The following THBS4 variants were observed in gnomAD, a reference collection of about 807,000 sequenced individuals.
THBS4 encodes thrombospondin-4.
THBS4 carries 90 observed loss-of-function variants against 115.7 expected under a neutral mutation model. The observed-to-expected ratio is 0.78, with a 90% CI of 0.66 to 0.93. THBS4 has a LOEUF of 0.93. THBS4 is among the 40% of genes least tolerant of loss of function. THBS4 has a pLI of 0.00. For missense variants in THBS4, 1,087 were observed against 1,232.7 expected, an observed-to-expected ratio of 0.88 and a Z score of 1.77; for synonymous variants, 460 against 479.3, an observed-to-expected ratio of 0.96 and a Z score of 0.53.
At chr5:80,067,856 G>A in intron 9 of THBS4, 117 bp from the exon 10 acceptor site, 1 of 1,195,420 alleles carries the variant, frequency 8.4e-7, no homozygotes, top group Admixed American at 2.5e-5. Context: ...TGGATCTGAT[G>A]CCTGATTCCT....
chr5:80,039,484 G>T (rs1832824744), intron 1 of THBS4, among the ~76,000 whole-genome samples: 1 of 152,186 alleles, frequency 6.6e-6, no homozygotes. Context: ...TCCACATTGG[G>T]ATTTTTTTAA....
intron 8 of THBS4, among the ~76,000 whole-genome samples, chr5:80,062,105 C>A (rs995587485): frequency 1.3e-5 from 2 of 152,080 alleles, no homozygotes; most frequent in African/African-American, 4.8e-5. Flanking sequence ...TAATTTCAGT[C>A]TTATTTTGTT....
chr5:80,077,331 C>T (rs535885173), intron 16 of THBS4, among the ~76,000 whole-genome samples: 1 of 152,194 alleles, frequency 6.6e-6, no homozygotes, highest in South Asian at 2.1e-4. Flanking sequence ...GTGGCTCAGT[C>T]CCCAAAGGGC....
chr5:79,996,170 G>T (rs1026767660), intron 1 of THBS4, among the ~76,000 whole-genome samples: 2 of 151,924 alleles, frequency 1.3e-5, no homozygotes, highest in Non-Finnish European at 2.9e-5. Flanking sequence ...ATAATTTAGA[G>T]ACTATATCAG....
At chr5:80,080,672 C>T (rs1409667722) in intron 20 of THBS4, among the ~76,000 whole-genome samples, 6 of 148,476 alleles carry the variant, frequency 4.0e-5, no homozygotes, top group African/African-American at 7.5e-5. Flanking sequence ...CTGCAACCTC[C>T]GCCTTCCTGG....
At chr5:80,015,022 G>A (rs777639113) in intron 2 of THBS4, among the ~76,000 whole-genome samples, 5 of 152,234 alleles carry the variant, frequency 3.3e-5, no homozygotes, top group Admixed American at 6.5e-5. Flanking sequence ...CAGTTGAAAT[G>A]TGGTGACTCT....
At chr5:80,058,957 A>G (rs576369821) in intron 5 of THBS4, among the ~76,000 whole-genome samples, 167 bp downstream of exon 5, 14 of 151,962 alleles carry the variant, frequency 9.2e-5, no homozygotes, top group Non-Finnish European at 1.8e-4. Context: ...TTCTCTGGAA[A>G]TGGGGTCCAA....
chr5:80,019,883 TG>T, intron 2 of THBS4: 1 of 162,046 alleles, frequency 6.2e-6, no homozygotes, highest in Admixed American at 6.1e-5. Flanking sequence ...CTGTGCCTGT[TG>T]GACAACAGAC....
chr5:80,010,214 G>T (rs1281684136), intron 2 of THBS4, among the ~76,000 whole-genome samples: 1 of 152,140 alleles, frequency 6.6e-6, no homozygotes, highest in Non-Finnish European at 1.5e-5. Flanking sequence ...AATCCTTACT[G>T]CAGTCTACAA....
chr5:80,082,503 CAAGAA>C lies in THBS4; in HGVS notation c.2785_2789del (p.Glu929HisfsTer12), dbSNP rs1227815802. 1.2e-6 allele frequency: 2 copies of C among 1,614,204 alleles called. No homozygotes were observed. The highest frequency in any genetic ancestry group is 4.5e-5 in the East Asian group (2 of 44,878). ...CCGACTTGGCGTTTTCTGCTTCTCT[CAAGAA>C]AACATCATCTGGTCCAACCTCAAGT... On this transcript the variant is annotated frameshift_variant, in exon 21 of 22. Transcript: ENST00000350881. LOFTEE classifies it high-confidence loss of function.
intron 1 of THBS4, among the ~76,000 whole-genome samples, chr5:80,036,980 G>A (rs758984212): frequency 6.6e-6 from 1 of 152,126 alleles, no homozygotes; most frequent in Non-Finnish European, 1.5e-5. Context: ...GTGGTTTCAG[G>A]GGTTAGAGTA....
chr5:80,009,934 A>G (rs138446517), intron 2 of THBS4, among the ~76,000 whole-genome samples: 34 of 152,188 alleles, frequency 2.2e-4, no homozygotes, highest in Middle Eastern at 3.4e-3. Flanking sequence ...GGAGTTCAAG[A>G]CCAGCCCAGG....
In THBS4 at chr5:80,037,903, T is replaced by G. The variant is rs1200226797; in HGVS notation, c.89-2174T>G. 2.0e-5 allele frequency among the ~76,000 whole-genome samples: 3 copies of G among 152,192 alleles called. No individual in the cohort carries two copies. In the East Asian group the frequency reaches 5.8e-4, roughly 29 times the overall value. On this transcript the variant is annotated intron_variant, in intron 1 of 21. Coordinates refer to ENST00000350881, the MANE Select transcript of THBS4 (RefSeq NM_003248.6). Reference sequence around the variant, plus strand: ...TGCAGTAGGCAACAGTGTTTATGGTTTAGGGATATAGGCACTAAGAGGAGC... The same window carrying G: ...TGCAGTAGGCAACAGTGTTTATGGTGTAGGGATATAGGCACTAAGAGGAGC...
intron 1 of THBS4, among the ~76,000 whole-genome samples, chr5:80,038,407 C>T (rs1832785188): frequency 6.6e-6 from 1 of 152,060 alleles, no homozygotes; most frequent in African/African-American, 2.4e-5. Flanking sequence ...TAGTATTCTG[C>T]TTTTTGGAAG....
chr5:80,059,627 G>C, intron 6 of THBS4, 76 bp from the exon 7 acceptor site: 1 of 1,600,434 alleles, frequency 6.2e-7, no homozygotes. Flanking sequence ...AAGTTCAATA[G>C]GAAACCAAAT....
At chr5:80,012,869 C>A (rs1832155074) in intron 2 of THBS4, among the ~76,000 whole-genome samples, 2 of 152,182 alleles carry the variant, frequency 1.3e-5, no homozygotes. Flanking sequence ...GTTTGAAAAT[C>A]TCTACCCCTA....
At chr5:80,074,149 T>C (rs995025505) in intron 15 of THBS4, 5 of 152,252 alleles carry the variant, frequency 3.3e-5, no homozygotes, top group Non-Finnish European at 7.3e-5. Flanking sequence ...TTTTATATTC[T>C]TTCAGCTCAG....
Position 80,035,882 on chromosome 5 carries a change from TG to T in THBS4, c.88+261del. ...AATTGTTTCAGACTATGCAAAGATG[TG>T]GGGTGGGGTTGCCTTCAAAACTTGC... is the stretch of plus-strand genomic sequence containing the variant. On this transcript the variant is annotated intron_variant, in intron 1 of 21. Transcript: ENST00000350881. The surrounding 1 kb of genome is among the most constrained non-coding windows in gnomAD (Gnocchi z 4.6). 1.4e-6 allele frequency: 1 copy of T among 708,374 alleles called. No individual in the cohort carries two copies. Among genetic ancestry groups the T allele is most frequent in the Non-Finnish European group, 1.9e-6 (1 of 523,658 alleles). The allele number at this position is 708,374 out of a possible 1,614,324, so 43.9% of individuals were successfully genotyped here. A position where few individuals can be genotyped will look rare whatever the true frequency, so the allele number is the denominator to read the frequency against.
At chr5:80,000,142 A>G (rs974038444) in intron 2 of THBS4, among the ~76,000 whole-genome samples, 9 of 152,190 alleles carry the variant, frequency 5.9e-5, no homozygotes, top group African/African-American at 1.7e-4. Context: ...TTATTAATTT[A>G]TATTACTGTA....
Sources: gnomAD v4.1 joint callset for allele counts (sites outside exome capture counted in the v4.1 genomes callset) on GRCh38, gnomAD v4.1.1 for gene constraint, Gnocchi (gnomAD v3.1) non-coding constraint, MANE v1.5 for transcripts, NCBI Gene and HGNC (gene_info 2026-07-23, HGNC 2026-07-21) for gene names.